FMN1: variants seen among roughly 807,000 people sequenced by gnomAD.
FMN1 encodes the protein formin 1.
A neutral mutation model predicts 132.4 loss-of-function variants in FMN1; 110 were observed. The observed-to-expected ratio is 0.83, with a 90% CI of 0.71 to 0.97. The LOEUF (loss-of-function observed/expected upper bound fraction) is 0.97, where lower values mean the gene tolerates loss of function less well. FMN1 is among the 50% of genes least tolerant of loss of function. The probability of loss-of-function intolerance (pLI) is 0.00; values close to 1 mark genes in which losing one functional copy is unlikely to be tolerated. For synonymous variants in FMN1, 722 were observed against 651.7 expected (o/e 1.11, Z -1.64); for missense variants, 1,792 against 1,705.3 (o/e 1.05, Z -0.90).
At chr15:32,985,835 C>T (rs1437549995) in intron 7 of FMN1, among the ~76,000 whole-genome samples, 1 of 151,974 alleles carries the variant, frequency 6.6e-6, no homozygotes, top group African/African-American at 2.4e-5. Flanking sequence ...TCAAATGGGT[C>T]AAAATAAAGA....
intron 7 of FMN1, among the ~76,000 whole-genome samples, chr15:32,984,321 C>G (rs773514144): frequency 2.0e-4 from 31 of 152,108 alleles, no homozygotes; most frequent in Non-Finnish European, 3.8e-4. Context: ...TTTTAAAGAA[C>G]ACCACCTATC....
intron 17 of FMN1, among the ~76,000 whole-genome samples, chr15:32,820,069 G>A (rs1240082264): frequency 2.0e-5 from 3 of 152,162 alleles, no homozygotes; most frequent in African/African-American, 7.2e-5. Context: ...TATGCCTAAA[G>A]ATAAACGCAG....
At chr15:33,047,631 G>C (rs1336950059) in intron 6 of FMN1, among the ~76,000 whole-genome samples, 2 of 152,144 alleles carry the variant, frequency 1.3e-5, no homozygotes, top group Non-Finnish European at 2.9e-5. Flanking sequence ...CTTCGGTTTT[G>C]CATGGTGTTA....
At chr15:32,803,487 G>A (rs755343181) in intron 18 of FMN1, among the ~76,000 whole-genome samples, 7 of 152,158 alleles carry the variant, frequency 4.6e-5, no homozygotes, top group Admixed American at 2.6e-4. Context: ...GAGAGTGAGC[G>A]AGCAAGAAGA....
chr15:32,940,221 CATG>C (rs1338704008), intron 9 of FMN1, among the ~76,000 whole-genome samples: 3 of 152,178 alleles, frequency 2.0e-5, no homozygotes, highest in Non-Finnish European at 4.4e-5. Flanking sequence ...GGATCAACAT[CATG>C]ATGTAGTAAA....
intron 4 of FMN1, among the ~76,000 whole-genome samples, chr15:33,128,830 C>A (rs533786093): frequency 2.0e-5 from 3 of 152,228 alleles, no homozygotes; most frequent in Non-Finnish European, 2.9e-5. Flanking sequence ...ACAAAGCCTC[C>A]GCAATGCGGA....
At position 33,036,073 on chromosome 15, in the gene FMN1, C is replaced by T. The variant is rs78029590; in HGVS notation, c.2162-27998G>A. Among the ~76,000 whole-genome samples, 460 of 152,312 alleles carry T rather than the reference C, an allele frequency of 3.0e-3. 10 individuals are homozygous for T. The East Asian group carries it at 0.041, about 14-fold the overall frequency. On this transcript the variant is annotated intron_variant, in intron 6 of 20. Transcript: ENST00000616417. ...GATGGGGTACCTTGATCTTGAACTTCTCAGCCTCCATAACTGCATGGAATA... is the reference window on the plus strand; with the variant it reads ...GATGGGGTACCTTGATCTTGAACTTTTCAGCCTCCATAACTGCATGGAATA...
At chr15:33,085,415 T>C (rs992013037) in intron 5 of FMN1, among the ~76,000 whole-genome samples, 1 of 151,930 alleles carries the variant, frequency 6.6e-6, no homozygotes, top group Admixed American at 6.6e-5. Context: ...ATTCAGAAAA[T>C]AATCTAAAAA....
intron 2 of FMN1, among the ~76,000 whole-genome samples, chr15:33,184,913 T>A (rs1288984992): frequency 6.6e-6 from 1 of 152,224 alleles, no homozygotes; most frequent in African/African-American, 2.4e-5. Context: ...TCTTTATAAA[T>A]GTAATCCACT....
intron 6 of FMN1, among the ~76,000 whole-genome samples, chr15:33,010,800 T>TA (rs1445054645): frequency 2.0e-5 from 3 of 151,834 alleles, no homozygotes; most frequent in East Asian, 1.9e-4. Context: ...GCATAACACT[T>TA]ACAGTACTTC....
At chr15:33,054,269 A>G (rs941025289) in intron 6 of FMN1, among the ~76,000 whole-genome samples, 3 of 152,192 alleles carry the variant, frequency 2.0e-5, no homozygotes, top group African/African-American at 7.2e-5. Flanking sequence ...TATATTTCCT[A>G]CTGTACAACT....
intron 4 of FMN1, among the ~76,000 whole-genome samples, chr15:33,133,950 C>T (rs1963653589): frequency 6.6e-6 from 1 of 152,026 alleles, no homozygotes; most frequent in Non-Finnish European, 1.5e-5. Context: ...TTCTACATCT[C>T]ATTTTATTTT....
intron 4 of FMN1, among the ~76,000 whole-genome samples, chr15:33,101,855 A>G (rs1164282619): frequency 6.6e-6 from 1 of 152,108 alleles, no homozygotes; most frequent in Non-Finnish European, 1.5e-5. Flanking sequence ...ATTCTTCTGA[A>G]TCCCCATCTA....
Position 33,048,651 on chromosome 15 carries a change from C to CAAAAACAAAAACAAAAACAAAAACA in FMN1, c.2161+16305_2161+16306insTGTTTTTGTTTTTGTTTTTGTTTTT, listed in dbSNP as rs1338668794. On this transcript the variant is annotated intron_variant, in intron 6 of 20. Coordinates refer to ENST00000616417, the MANE Select transcript of FMN1 (RefSeq NM_001277313.2). ...TTTACCAAAAAAAAAAAAAAAAAAC[C>CAAAAACAAAAACAAAAACAAAAACA]AACAGTTTAATGGACTTACAGTTCC... 5.0e-5 allele frequency among the ~76,000 whole-genome samples: 6 copies of CAAAAACAAAAACAAAAACAAAAACA among 120,128 alleles called. 1 individual carries two copies. The highest frequency in any genetic ancestry group is 1.8e-4 in the African/African-American group (6 of 33,232). 78.8% of individuals were successfully genotyped at this position (120,128 alleles called of 152,430 possible).
chr15:33,065,023 C>T lies in FMN1; in HGVS notation c.2095G>A (p.Ala699Thr). The T allele has an allele frequency of 1.9e-6, 3 of 1,612,058 alleles. No individual in the cohort carries two copies. The highest frequency in any genetic ancestry group is 2.5e-6 in the Non-Finnish European group (3 of 1,179,084). Residue 699 changes from alanine to threonine, a missense_variant, in exon 6 of 21, where the codon GCT (alanine) becomes ACT (threonine). This residue lies in a region of FMN1 where 1,150 missense variants were observed against 1,043.1 expected (regional missense o/e 1.10). Transcript: ENST00000616417. The stretch of plus-strand genomic sequence containing the variant: ...TTTGTCTTTGGGGGTGGCCAGACAG[C>T]TTGAAGTCTGCCAGGAGTCCTGTCA... ...QDDRTPGRLQAVWPPPKTKDT... is the reference protein window; with the variant it reads ...QDDRTPGRLQTVWPPPKTKDT...
rs183314177 is a variant in FMN1 at position 33,166,736 on chromosome 15, A to T, written c.-131-11691T>A. Among the ~76,000 whole-genome samples, 5 of 152,326 alleles carry T rather than the reference A, an allele frequency of 3.3e-5. No homozygotes were observed. In the East Asian group the frequency reaches 9.7e-4, roughly 29 times the overall value. ...AGGAAGGCCCTCTTCATCTTAATCCAGCGTTATTTCACGAAATCCATCCTA... is the reference window on the plus strand; with the variant it reads ...AGGAAGGCCCTCTTCATCTTAATCCTGCGTTATTTCACGAAATCCATCCTA... On this transcript the variant is annotated intron_variant, in intron 3 of 20. Coordinates refer to ENST00000616417, the MANE Select transcript of FMN1 (RefSeq NM_001277313.2).
At chr15:32,993,002 T>TAA (rs943981921) in intron 7 of FMN1, among the ~76,000 whole-genome samples, 2 of 152,182 alleles carry the variant, frequency 1.3e-5, no homozygotes, top group Non-Finnish European at 2.9e-5. Context: ...ACACAGGACA[T>TAA]AAGGGTCATG....
At chr15:32,879,659 C>A (rs533067181) in intron 16 of FMN1, among the ~76,000 whole-genome samples, 2 of 151,538 alleles carry the variant, frequency 1.3e-5, no homozygotes, top group East Asian at 3.9e-4. Context: ...GAAGTATGAT[C>A]GGCTCCATTT....
At chr15:32,788,628 G>A (rs1342243098) in intron 19 of FMN1, among the ~76,000 whole-genome samples, 1 of 152,192 alleles carries the variant, frequency 6.6e-6, no homozygotes, top group East Asian at 1.9e-4. Context: ...CCCAAGGCAG[G>A]AGCTGTCAGG....
Sources: allele counts gnomAD v4.1 joint callset (sites outside exome capture counted in the v4.1 genomes callset), GRCh38; gene constraint gnomAD v4.1.1; regional missense constraint gnomAD v4.1.1; transcripts MANE v1.5; gene names NCBI Gene and HGNC (gene_info 2026-07-23, HGNC 2026-07-21).